The following ARFGEF1 variants were observed in gnomAD, a reference collection of about 807,000 sequenced individuals.
ARFGEF1 encodes the protein brefeldin A-inhibited guanine nucleotide-exchange protein 1.
Under a neutral mutation model 231.0 loss-of-function variants are expected in ARFGEF1, and 42 were observed. The ratio of observed to expected loss-of-function variants is 0.18; its 90% CI spans 0.14 to 0.24. ARFGEF1 has a LOEUF of 0.24. ARFGEF1 is among the 10% of genes least tolerant of loss of function. The pLI is 1.00. For synonymous variants in ARFGEF1, 710 were observed against 732.3 expected (o/e 0.97, Z 0.49); for missense variants, 1,345 against 2,192.0 (o/e 0.61, Z 7.72).
rs1226334460 is a variant in ARFGEF1, at chr8:67,290,378, T to C, written c.916+1469A>G. Among the ~76,000 whole-genome samples, 6 of 152,188 alleles carry C rather than the reference T, an allele frequency of 3.9e-5. No homozygotes were observed. In the East Asian group the frequency reaches 1.2e-3, roughly 29 times the overall value. On this transcript the variant is annotated intron_variant, in intron 6 of 38. Coordinates refer to ENST00000262215, the MANE Select transcript of ARFGEF1 (RefSeq NM_006421.5). ...GTCTTAGTCCATGTTGTTTCCTTGATTGGAAATTTCCTACCCCTATCTATC... is the reference window on the plus strand; with the variant it reads ...GTCTTAGTCCATGTTGTTTCCTTGACTGGAAATTTCCTACCCCTATCTATC...
chr8:67,310,155 G>A (rs547193521), intron 1 of ARFGEF1, among the ~76,000 whole-genome samples: 5 of 152,098 alleles, frequency 3.3e-5, no homozygotes, highest in Admixed American at 2.6e-4. Context: ...CCTCTCATGC[G>A]GAGCCGAAGC....
At chr8:67,256,473 A>G (rs1402256521) in intron 17 of ARFGEF1, among the ~76,000 whole-genome samples, 1 of 152,184 alleles carries the variant, frequency 6.6e-6, no homozygotes, top group Non-Finnish European at 1.5e-5. Context: ...TGCTTTAAAC[A>G]TCTCAAAACA....
intron 7 of ARFGEF1, among the ~76,000 whole-genome samples, chr8:67,280,523 T>A (rs948797333): frequency 2.0e-5 from 3 of 152,198 alleles, no homozygotes; most frequent in Non-Finnish European, 4.4e-5. Context: ...GATGCCAGCT[T>A]AAGATTCCCT....
intron 27 of ARFGEF1, 143 bp downstream of exon 27, chr8:67,226,994 T>C: frequency 1.5e-6 from 1 of 655,808 alleles, no homozygotes. Flanking sequence ...GTAATTTAAT[T>C]GTTTTTATTT....
At chr8:67,257,456 AT>A (rs1178441606) in intron 17 of ARFGEF1, among the ~76,000 whole-genome samples, 1 of 152,208 alleles carries the variant, frequency 6.6e-6, no homozygotes, top group African/African-American at 2.4e-5. Flanking sequence ...CATAAGACCT[AT>A]AAATGTCTTG....
intron 29 of ARFGEF1, among the ~76,000 whole-genome samples, chr8:67,220,727 T>A (rs1490429600): frequency 1.3e-5 from 2 of 152,196 alleles, no homozygotes; most frequent in African/African-American, 2.4e-5. Context: ...TCGTCCTCCA[T>A]CTGCTGAGCT....
intron 5 of ARFGEF1, among the ~76,000 whole-genome samples, chr8:67,187,655 G>C (rs1395578486): frequency 2.6e-5 from 4 of 152,156 alleles, no homozygotes; most frequent in African/African-American, 9.7e-5. Context: ...CTAAACTCCA[G>C]CCTGGGCAAC....
At chr8:67,182,448 G>A (rs1305581684) in intron 5 of ARFGEF1, among the ~76,000 whole-genome samples, 1 of 152,132 alleles carries the variant, frequency 6.6e-6, no homozygotes, top group African/African-American at 2.4e-5. Flanking sequence ...CCTATGAATA[G>A]GTGTACAATT....
rs1346115860 is a variant in ARFGEF1, at chr8:67,236,397, T to A, written c.3289+1946A>T. 2.3e-4 allele frequency among the ~76,000 whole-genome samples: 23 copies of A among 98,064 alleles called. 1 individual carries two copies. The highest frequency in any genetic ancestry group is 1.3e-3 in the East Asian group (4 of 3,086). The allele number at this position is 98,064 out of a possible 152,430, so 64.3% of individuals were successfully genotyped here. Reference sequence around the variant, plus strand: ...ATATATATATATATATATATATATATATATATATATATATGTATCCACTGT... The same window carrying A: ...ATATATATATATATATATATATATAAATATATATATATATGTATCCACTGT... On this transcript the variant is annotated intron_variant, in intron 22 of 38. Coordinates refer to ENST00000262215, the MANE Select transcript of ARFGEF1 (RefSeq NM_006421.5).
Position 67,238,901 on chromosome 8 carries a change from A to T in ARFGEF1, c.2980-8T>A. The T allele has an allele frequency of 6.2e-7, 1 of 1,611,818 alleles. No homozygotes were observed. Among genetic ancestry groups the T allele is most frequent in the Non-Finnish European group, 8.5e-7 (1 of 1,178,286 alleles). ...ATATGCATCTCTCTCCAGCTATAAA[A>T]AAGAGAAAAGTATGTTTACACAGTT... On this transcript the variant is annotated splice_region_variant and splice_polypyrimidine_tract_variant and intron_variant, in intron 20 of 38. Transcript: ENST00000262215.
intron 33 of ARFGEF1, among the ~76,000 whole-genome samples, chr8:67,212,122 G>A (rs1838772085): frequency 6.6e-6 from 1 of 152,136 alleles, no homozygotes; most frequent in South Asian, 2.1e-4. Flanking sequence ...TGCTCTTGTT[G>A]CCCAGGCTGG....
chr8:67,274,117 C>T (rs1805213658), intron 9 of ARFGEF1, among the ~76,000 whole-genome samples: 1 of 152,076 alleles, frequency 6.6e-6, no homozygotes, highest in African/African-American at 2.4e-5. Context: ...GATTAGACAA[C>T]TGTCTTATGA....
At position 67,191,369 on chromosome 8, in the gene ARFGEF1, A is replaced by G. The variant is rs561625652; in HGVS notation, c.560+9027T>C. ...TGAAGCATTTAGCACTGAGCCAAGT[A>G]TGCAGAGACCTCACCAAGTAACAGA... On this transcript the variant is annotated intron_variant, in intron 5 of 5. Transcript: ENST00000518789. Among the ~76,000 whole-genome samples the G allele has an allele frequency of 3.9e-5, 6 of 152,378 alleles. No homozygotes were observed. In the South Asian group the frequency reaches 1.2e-3, roughly 32 times the overall value.
chr8:67,217,457 T>A (rs1271183396), intron 32 of ARFGEF1, among the ~76,000 whole-genome samples: 1 of 148,936 alleles, frequency 6.7e-6, no homozygotes, highest in Non-Finnish European at 1.5e-5. Flanking sequence ...CAGGCTGAGA[T>A]TTTTTTTTTT....
chr8:67,229,224 A>G, intron 23 of ARFGEF1, among the ~76,000 whole-genome samples: 1 of 152,100 alleles, frequency 6.6e-6, no homozygotes, highest in East Asian at 1.9e-4. Flanking sequence ...AACTTCCTCT[A>G]AGTCACAGAA....
At chr8:67,304,015 AATATTAGG>A (rs1806623806) in intron 1 of ARFGEF1, among the ~76,000 whole-genome samples, 1 of 152,174 alleles carries the variant, frequency 6.6e-6, no homozygotes, top group Non-Finnish European at 1.5e-5. Flanking sequence ...ATCAGGTTTC[AATATTAGG>A]TAATCTAACT....
chr8:67,250,672 A>G (rs1840254573), intron 19 of ARFGEF1, among the ~76,000 whole-genome samples: 1 of 152,214 alleles, frequency 6.6e-6, no homozygotes, highest in Non-Finnish European at 1.5e-5. Context: ...GAACAGGAAT[A>G]TACTTTACCC....
At chr8:67,293,633 AATG>A (rs1403634932) in intron 5 of ARFGEF1, among the ~76,000 whole-genome samples, 5 of 152,178 alleles carry the variant, frequency 3.3e-5, no homozygotes, top group Admixed American at 6.5e-5. Context: ...CATACTGCTC[AATG>A]ATAAGAGCAA....
chr8:67,338,248 G>C (rs1428731077), intron 1 of ARFGEF1, among the ~76,000 whole-genome samples: 2 of 149,780 alleles, frequency 1.3e-5, no homozygotes, highest in African/African-American at 2.5e-5. Flanking sequence ...CCCCAAACCT[G>C]TGTTTAGAGA....
Sources: allele counts gnomAD v4.1 joint callset (sites outside exome capture counted in the v4.1 genomes callset), GRCh38; gene constraint gnomAD v4.1.1; transcripts MANE v1.5; gene names NCBI Gene and HGNC (gene_info 2026-07-23, HGNC 2026-07-21).